Variants in LRRC14 observed in about 807,000 individuals in gnomAD.
LRRC14 encodes leucine-rich repeat-containing protein 14.
LRRC14 carries 16 observed loss-of-function variants against 25.3 expected under a neutral mutation model. That is an observed-to-expected ratio of 0.63 (90% CI 0.43 to 0.96). The LOEUF is 0.96. Ranked by LOEUF, LRRC14 falls within the 40% of genes least tolerant of loss-of-function variation. The pLI, the probability that LRRC14 is intolerant of heterozygous loss-of-function variation, is 0.00. For synonymous variants in LRRC14, 359 were observed against 295.1 expected, an observed-to-expected ratio of 1.22 and a Z score of -2.22; for missense variants, 594 against 660.5, an observed-to-expected ratio of 0.90 and a Z score of 1.10.
At position 144,523,537 on chromosome 8, in the gene LRRC14, G is replaced by GA. The variant is rs60588006; in HGVS notation, c.*2059_*2060insA. The GA allele has an allele frequency of 1.5e-6, 2 of 1,341,728 alleles. No individual in the cohort carries two copies. The highest frequency in any genetic ancestry group is 4.7e-5 in the African/African-American group (2 of 42,158). The allele number at this position is 1,341,728 out of a possible 1,614,324, so 83.1% of individuals were successfully genotyped here. The stretch of plus-strand genomic sequence containing the variant: ...CACAGCGTTTTCACACGGAGTCCAA[G>GA]GCCCTGCCACCCCTTCCTTGACCCC... On this transcript the variant is annotated 3_prime_UTR_variant, in exon 4 of 4. Coordinates refer to ENST00000292524, the MANE Select transcript of LRRC14 (RefSeq NM_014665.4).
Position 144,524,983 on chromosome 8 carries a change from G to A in LRRC14, c.*3505G>A. 6.9e-7 allele frequency: 1 copy of A among 1,444,196 alleles called. No homozygotes were observed. The highest frequency in any genetic ancestry group is 1.4e-5 in the South Asian group (1 of 73,134). The allele number at this position is 1,444,196 out of a possible 1,614,324, so 89.5% of individuals were successfully genotyped here. A position where few individuals can be genotyped will look rare whatever the true frequency, so the allele number is the denominator to read the frequency against. ...GGGGCCCTCAGGGCCATCTCCCGAG[G>A]CCCGGTTCCTCACCGGCCCTTCCGC... On this transcript the variant is annotated 3_prime_UTR_variant, in exon 4 of 4. Coordinates refer to ENST00000292524, the MANE Select transcript of LRRC14 (RefSeq NM_014665.4).
In LRRC14 at chr8:144,520,443, G is replaced by A. The variant is rs1815934414; in HGVS notation, c.535G>A (p.Ala179Thr). The A allele has an allele frequency of 6.3e-7, 1 of 1,598,730 alleles. No individual in the cohort carries two copies. Among genetic ancestry groups the A allele is most frequent in the Non-Finnish European group, 8.5e-7 (1 of 1,175,660 alleles). ...VDLRVNRASY[A>T]FLREALRSSV... The stretch of plus-strand genomic sequence containing the variant: ...CCTGCGGGTGAACCGGGCCTCCTAT[G>A]CGTTCCTGCGGGAGGCACTCCGAAG... The change falls in exon 3 of 4, where the codon GCG becomes ACG. Residue 179 changes from alanine to threonine, a missense_variant. Coordinates refer to ENST00000292524, the MANE Select transcript of LRRC14 (RefSeq NM_014665.4).
Position 144,523,067 on chromosome 8 carries a change from A to G in LRRC14, c.*1589A>G. ...CGTGTCGGATGCCGAGTGTCCGCCC[A>G]GGCCCAGCAACCCGCCTTCTAGCTG... On this transcript the variant is annotated 3_prime_UTR_variant, in exon 4 of 4. Coordinates refer to ENST00000292524, the MANE Select transcript of LRRC14 (RefSeq NM_014665.4). The G allele has an allele frequency of 1.9e-6, 3 of 1,606,804 alleles. No individual in the cohort carries two copies. Among genetic ancestry groups the G allele is most frequent in the Non-Finnish European group, 1.7e-6 (2 of 1,178,656 alleles).
In LRRC14 at chr8:144,522,101, C is replaced by G. The variant is rs2721136; in HGVS notation, c.*623C>G. The G allele has an allele frequency of 0.98, 245,952 of 250,364 alleles. 121,240 individuals are homozygous for G. The highest frequency in any genetic ancestry group is 1 in the Middle Eastern group (868 of 868). The allele number at this position is 250,364 out of a possible 1,614,324, so 15.5% of individuals were successfully genotyped here. ...TGCTGTCACCCCCAACATGGCCACC[C>G]GGCAACAACTGCCATCCAGCCTGTC... On this transcript the variant is annotated 3_prime_UTR_variant, in exon 4 of 4. Transcript: ENST00000292524.
Position 144,523,875 on chromosome 8 carries a change from C to T in LRRC14, c.*2397C>T. The T allele has an allele frequency of 3.5e-6, 2 of 567,156 alleles. No individual in the cohort carries two copies. Among genetic ancestry groups the T allele is most frequent in the Non-Finnish European group, 6.2e-6 (2 of 323,242 alleles). The allele number at this position is 567,156 out of a possible 1,614,324, so 35.1% of individuals were successfully genotyped here. On this transcript the variant is annotated 3_prime_UTR_variant, in exon 4 of 4. Coordinates refer to ENST00000292524, the MANE Select transcript of LRRC14 (RefSeq NM_014665.4). ...TCAGCCTAAAAGTGTGCAGAACCCT[C>T]AATTCTGTTAAGTCACCCTGTGGAG... is the stretch of plus-strand genomic sequence containing the variant.
chr8:144,523,711 AC>A lies in LRRC14; in HGVS notation c.*2235del. On this transcript the variant is annotated 3_prime_UTR_variant, in exon 4 of 4. Transcript: ENST00000292524. ...GCAACAAGTGCCACTGTTTTTAGGA[AC>A]CTGGGCGTCCACATAGACATCTCAC... The A allele has an allele frequency of 2.4e-6, 1 of 411,664 alleles. No homozygotes were observed. The highest frequency in any genetic ancestry group is 4.3e-6 in the Non-Finnish European group (1 of 233,972). 25.5% of individuals were successfully genotyped at this position (411,664 alleles called of 1,614,324 possible).
chr8:144,519,224 G>A (rs1393798287), intron 1 of LRRC14: 1 of 181,056 alleles, frequency 5.5e-6, no homozygotes, highest in Admixed American at 5.3e-5. Flanking sequence ...GCATCTGTGA[G>A]GAGAGGGGAG....
rs1169949478 is a variant in LRRC14 at position 144,520,746 on chromosome 8, A to G, written c.838A>G (p.Met280Val). ...EDNFRYFLAQ[M>V]GRFTCLRELS... ...CAACTTCCGCTACTTCCTTGCCCAG[A>G]TGGGCCGCTTCACCTGTCTGCGTGA... The change falls in exon 3 of 4, where the codon ATG (methionine) becomes GTG (valine). Residue 280 changes from methionine (M) to valine (V), a missense_variant. Met to Val is a conservative substitution (Grantham distance 21). Coordinates refer to ENST00000292524, the MANE Select transcript of LRRC14 (RefSeq NM_014665.4). The G allele has an allele frequency of 1.3e-6, 2 of 1,598,694 alleles. No individual in the cohort carries two copies. Among genetic ancestry groups the G allele is most frequent in the Non-Finnish European group, 1.7e-6 (2 of 1,179,944 alleles).
rs1304922165 is a variant in LRRC14, at chr8:144,525,026, G to A, written c.*3548G>A. Reference sequence around the variant, plus strand: ...CCTTCCGCGGTTCAGCCGCAGACGCGTGCCCTCCTGAAACACAGGTTGGCA... The same window carrying A: ...CCTTCCGCGGTTCAGCCGCAGACGCATGCCCTCCTGAAACACAGGTTGGCA... On this transcript the variant is annotated 3_prime_UTR_variant, in exon 4 of 4. Coordinates refer to ENST00000292524, the MANE Select transcript of LRRC14 (RefSeq NM_014665.4). 3 of 1,380,902 alleles carry A rather than the reference G, an allele frequency of 2.2e-6. No individual in the cohort carries two copies. The highest frequency in any genetic ancestry group is 1.7e-5 in the South Asian group (1 of 59,590). The allele number at this position is 1,380,902 out of a possible 1,614,324, so 85.5% of individuals were successfully genotyped here.
Position 144,520,670 on chromosome 8 carries a change from G to T in LRRC14, c.762G>T (p.Arg254=), listed in dbSNP as rs1487079531. 3 of 1,601,262 alleles carry T rather than the reference G, an allele frequency of 1.9e-6. No individual in the cohort carries two copies. In the Admixed American group the frequency reaches 5.0e-5, roughly 27 times the overall value. ...VARFQHLASL[R]LHYVHGDSRQ... ...GCTTCCAGCACCTGGCCAGCCTGCG[G>T]CTCCACTATGTGCATGGGGATTCAA... Residue 254 remains arginine (R), a synonymous_variant, in exon 3 of 4, where the codon CGG becomes CGT. Coordinates refer to ENST00000292524, the MANE Select transcript of LRRC14 (RefSeq NM_014665.4).
At position 144,523,318 on chromosome 8, in the gene LRRC14, C is replaced by T. The variant is rs769700659; in HGVS notation, c.*1840C>T. 41 of 1,608,422 alleles carry T rather than the reference C, an allele frequency of 2.5e-5. No homozygotes were observed. The highest frequency in any genetic ancestry group is 2.0e-4 in the African/African-American group (15 of 74,978). ...GGCGCGGGGGCTCTGCACACATGAT[C>T]TTCCTGTCCCTGGAGGTGAGCAGCC... On this transcript the variant is annotated 3_prime_UTR_variant, in exon 4 of 4. Coordinates refer to ENST00000292524, the MANE Select transcript of LRRC14 (RefSeq NM_014665.4).
At position 144,523,343 on chromosome 8, in the gene LRRC14, C is replaced by A. The variant is rs568036554; in HGVS notation, c.*1865C>A. 6 of 1,587,212 alleles carry A rather than the reference C, an allele frequency of 3.8e-6. No individual in the cohort carries two copies. In the African/African-American group the frequency reaches 8.1e-5, roughly 21 times the overall value. On this transcript the variant is annotated 3_prime_UTR_variant, in exon 4 of 4. Coordinates refer to ENST00000292524, the MANE Select transcript of LRRC14 (RefSeq NM_014665.4). ...CTTCCTGTCCCTGGAGGTGAGCAGC[C>A]GCTGGCCGCCCTCCTTGATCCAGGC... is the stretch of plus-strand genomic sequence containing the variant.
chr8:144,524,540 C>CA lies in LRRC14; in HGVS notation c.*3064dup. 1 of 1,582,518 alleles carries CA rather than the reference C, an allele frequency of 6.3e-7. No individual in the cohort carries two copies. Among genetic ancestry groups the CA allele is most frequent in the Non-Finnish European group, 8.5e-7 (1 of 1,173,240 alleles). ...CCAGGCCTACGAAGGCGCCGCTGCG[C>CA]AAGCCGCGCAGCCGGTTGCTAGTGA... On this transcript the variant is annotated 3_prime_UTR_variant, in exon 4 of 4. Transcript: ENST00000292524.
At position 144,523,601 on chromosome 8, in the gene LRRC14, C is replaced by G. The variant is rs972781948; in HGVS notation, c.*2123C>G. On this transcript the variant is annotated 3_prime_UTR_variant, in exon 4 of 4. Transcript: ENST00000292524. ...CGGCAGGCCCTTCACCCTCGCCCCC[C>G]TCCCCTTTAGCTCTGTGATGCCTGC... 2.5e-5 allele frequency: 21 copies of G among 838,030 alleles called. 1 individual carries two copies. The highest frequency in any genetic ancestry group is 3.7e-5 in the Admixed American group (1 of 26,780). 51.9% of individuals were successfully genotyped at this position (838,030 alleles called of 1,614,324 possible). A position where few individuals can be genotyped will look rare whatever the true frequency, so the allele number is the denominator to read the frequency against.
intron 1 of LRRC14, chr8:144,519,389 G>T (rs913728606): frequency 4.7e-6 from 2 of 423,724 alleles, no homozygotes; most frequent in Non-Finnish European, 4.4e-6. Context: ...CCCATGGGGG[G>T]CCCTGCAAGG....
In LRRC14 at chr8:144,522,586, C is replaced by T. The variant is rs749373671; in HGVS notation, c.*1108C>T. On this transcript the variant is annotated 3_prime_UTR_variant, in exon 4 of 4. Coordinates refer to ENST00000292524, the MANE Select transcript of LRRC14 (RefSeq NM_014665.4). Reference sequence around the variant, plus strand: ...CCGCCGGACCCTCGGCGAAGAGCGGCTTGGAGCGGTTGATGACGAACATCT... The same window carrying T: ...CCGCCGGACCCTCGGCGAAGAGCGGTTTGGAGCGGTTGATGACGAACATCT... 3 of 1,562,172 alleles carry T rather than the reference C, an allele frequency of 1.9e-6. No homozygotes were observed. The highest frequency in any genetic ancestry group is 1.4e-5 in the African/African-American group (1 of 71,518).
rs764467429 is a variant in LRRC14, at chr8:144,522,520, C to A, written c.*1042C>A. 2.4e-5 allele frequency: 36 copies of A among 1,509,250 alleles called. No individual in the cohort carries two copies. In the South Asian group the frequency reaches 3.5e-4, roughly 15 times the overall value. The allele number at this position is 1,509,250 out of a possible 1,614,324, so 93.5% of individuals were successfully genotyped here. On this transcript the variant is annotated 3_prime_UTR_variant, in exon 4 of 4. Transcript: ENST00000292524. ...CGACCGGCGGGGGCACGCGGAGTCC[C>A]GGCCCCGCCCCCTGTTCCGGGCCGC...
chr8:144,522,687 G>A lies in LRRC14; in HGVS notation c.*1209G>A. The A allele has an allele frequency of 6.3e-7, 1 of 1,596,630 alleles. No homozygotes were observed. The highest frequency in any genetic ancestry group is 2.3e-5 in the East Asian group (1 of 43,462). On this transcript the variant is annotated 3_prime_UTR_variant, in exon 4 of 4. Coordinates refer to ENST00000292524, the MANE Select transcript of LRRC14 (RefSeq NM_014665.4). ...CCGTCCAAGTAGTCGTTGACGAACA[G>A]CGCTCCCTCCCCCGGAGGCCCCCGC...
Position 144,524,540 on chromosome 8 carries a change from C to T in LRRC14, c.*3062C>T. The T allele has an allele frequency of 6.3e-7, 1 of 1,582,518 alleles. No individual in the cohort carries two copies. Among genetic ancestry groups the T allele is most frequent in the Non-Finnish European group, 8.5e-7 (1 of 1,173,240 alleles). The stretch of plus-strand genomic sequence containing the variant: ...CCAGGCCTACGAAGGCGCCGCTGCG[C>T]AAGCCGCGCAGCCGGTTGCTAGTGA... On this transcript the variant is annotated 3_prime_UTR_variant, in exon 4 of 4. Transcript: ENST00000292524.
Sources: allele counts gnomAD v4.1 joint callset, GRCh38; gene constraint gnomAD v4.1.1; transcripts MANE v1.5; gene names NCBI Gene and HGNC (gene_info 2026-07-23, HGNC 2026-07-21).